The following FAM78B variants were observed in gnomAD, a reference collection of about 807,000 sequenced individuals.
FAM78B encodes family with sequence similarity 78 member B.
A neutral mutation model predicts 20.0 loss-of-function variants in FAM78B; 10 were observed. The ratio of observed to expected loss-of-function variants is 0.50; its 90% CI spans 0.31 to 0.85. The LOEUF is 0.85. FAM78B is among the 40% of genes least tolerant of loss of function. FAM78B has a pLI of 0.05. For synonymous variants in FAM78B, 135 were observed against 132.8 expected, an observed-to-expected ratio of 1.02 and a Z score of -0.12; for missense variants, 283 against 345.0, an observed-to-expected ratio of 0.82 and a Z score of 1.42.
At chr1:166,084,205 C>CCACACACACACACACACACACACA (rs374157991) in intron 1 of FAM78B, among the ~76,000 whole-genome samples, 6 of 121,164 alleles carry the variant, frequency 5.0e-5, no homozygotes, top group African/African-American at 1.9e-4. Flanking sequence ...GATGTAGAAA[C>CCACACACACACACACACACACACA]CACACACACA....
At chr1:166,142,487 G>A (rs556081243) in intron 1 of FAM78B, among the ~76,000 whole-genome samples, 9 of 152,220 alleles carry the variant, frequency 5.9e-5, no homozygotes, top group Non-Finnish European at 1.3e-4. Context: ...TATGTATGGT[G>A]CACAATGGGA....
At chr1:166,097,057 G>C (rs1473496039) in intron 1 of FAM78B, among the ~76,000 whole-genome samples, 1 of 152,202 alleles carries the variant, frequency 6.6e-6, no homozygotes, top group East Asian at 1.9e-4. Flanking sequence ...CCCAACTGCA[G>C]AAGCAGGAAA....
intron 1 of FAM78B, among the ~76,000 whole-genome samples, chr1:166,086,278 C>A (rs367646843): frequency 9.7e-4 from 147 of 152,282 alleles, no homozygotes; most frequent in African/African-American, 3.4e-3. Flanking sequence ...CTCCCTCCCC[C>A]ACCATCCCCA....
chr1:166,128,062 G>C (rs990317431), intron 1 of FAM78B, among the ~76,000 whole-genome samples: 1 of 152,144 alleles, frequency 6.6e-6, no homozygotes, highest in Non-Finnish European at 1.5e-5. Context: ...AAAACTTATA[G>C]TAAATAAAAG....
At chr1:166,139,948 C>G (rs1224406238) in intron 1 of FAM78B, among the ~76,000 whole-genome samples, 1 of 152,184 alleles carries the variant, frequency 6.6e-6, no homozygotes, top group Non-Finnish European at 1.5e-5. Context: ...TCCCTACTAC[C>G]ACCACCAGAG....
At chr1:166,105,448 C>T (rs1653733234) in intron 1 of FAM78B, among the ~76,000 whole-genome samples, 1 of 152,004 alleles carries the variant, frequency 6.6e-6, no homozygotes, top group Non-Finnish European at 1.5e-5. Context: ...ATTTTCGCAA[C>T]CTACTCATCT....
chr1:166,122,280 A>G (rs1183016706), intron 1 of FAM78B, among the ~76,000 whole-genome samples: 1 of 152,200 alleles, frequency 6.6e-6, no homozygotes, highest in African/African-American at 2.4e-5. Flanking sequence ...TCAGCCTGAA[A>G]GCAGGAGAGA....
At chr1:166,146,168 G>A (rs982644263) in intron 1 of FAM78B, among the ~76,000 whole-genome samples, 4 of 152,090 alleles carry the variant, frequency 2.6e-5, no homozygotes, top group African/African-American at 9.7e-5. Flanking sequence ...CAATTCAGGG[G>A]GATGCTTTAA....
At chr1:166,165,868 G>A (rs1023036547) in intron 1 of FAM78B, 118 bp downstream of exon 1, 9 of 1,213,998 alleles carry the variant, frequency 7.4e-6, no homozygotes, top group Middle Eastern at 2.0e-4. Flanking sequence ...GGAGGCGGGA[G>A]GAAGGTTTAG....
At chr1:166,146,358 T>C (rs1464846117) in intron 1 of FAM78B, among the ~76,000 whole-genome samples, 1 of 152,222 alleles carries the variant, frequency 6.6e-6, no homozygotes, top group Non-Finnish European at 1.5e-5. Context: ...ATCAAACTGA[T>C]TGATTTTCAT....
At chr1:166,132,365 G>A (rs12065238) in intron 1 of FAM78B, among the ~76,000 whole-genome samples, 22,484 of 152,064 alleles carry the variant, frequency 0.15, 1,997 homozygotes, top group East Asian at 0.27. Flanking sequence ...GCGATTTAAC[G>A]GTGTGATCCT....
In FAM78B at chr1:166,146,725, T is replaced by C. The variant is rs183155400; in HGVS notation, c.263+19261A>G. On this transcript the variant is annotated intron_variant, in intron 1 of 1. Transcript: ENST00000354422. ...CAGAGGGGAAGTGGGATGTTAAAAG[T>C]AGACAAATCATAGATAATGAGTCTT... Among the ~76,000 whole-genome samples the C allele has an allele frequency of 3.3e-5, 5 of 152,332 alleles. No individual in the cohort carries two copies. In the South Asian group the frequency reaches 8.3e-4, roughly 25 times the overall value.
chr1:166,082,976 T>C (rs1021732960), intron 1 of FAM78B, among the ~76,000 whole-genome samples: 7 of 152,100 alleles, frequency 4.6e-5, no homozygotes, highest in South Asian at 2.1e-4. Flanking sequence ...GGTGGTGGCA[T>C]TGAGGGGCAT....
At position 166,124,121 on chromosome 1, in the gene FAM78B, T is replaced by C. The variant is rs1654558981; in HGVS notation, c.263+41865A>G. On this transcript the variant is annotated intron_variant, in intron 1 of 1. Transcript: ENST00000354422. ...CACCATAGCAAAACCAATCTCCTTG[T>C]AGTTTCCAGCACACACCAGTCTGCT... is the stretch of plus-strand genomic sequence containing the variant. 2.0e-5 allele frequency among the ~76,000 whole-genome samples: 3 copies of C among 152,186 alleles called. 1 individual carries two copies. In the South Asian group the frequency reaches 6.2e-4, roughly 32 times the overall value.
chr1:166,110,424 G>C (rs537070984), intron 1 of FAM78B, among the ~76,000 whole-genome samples: 96 of 152,210 alleles, frequency 6.3e-4, no homozygotes, highest in African/African-American at 2.2e-3. Context: ...TTTCACTTCT[G>C]CTGTTTTGGA....
intron 1 of FAM78B, among the ~76,000 whole-genome samples, chr1:166,122,500 T>C (rs1654499358): frequency 6.6e-6 from 1 of 152,256 alleles, no homozygotes; most frequent in Non-Finnish European, 1.5e-5. Flanking sequence ...TCCAACATTA[T>C]ATAAGCCAAC....
chr1:166,137,210 C>T (rs1655099557), intron 1 of FAM78B, among the ~76,000 whole-genome samples: 1 of 152,176 alleles, frequency 6.6e-6, no homozygotes, highest in African/African-American at 2.4e-5. Flanking sequence ...TGTGCTAACC[C>T]TGATTTTCAG....
chr1:166,129,179 C>A (rs1026211550), intron 1 of FAM78B, among the ~76,000 whole-genome samples: 7 of 152,168 alleles, frequency 4.6e-5, no homozygotes, highest in Admixed American at 4.6e-4. Context: ...CTGCTGTGGG[C>A]GCACTCCTGT....
intron 1 of FAM78B, among the ~76,000 whole-genome samples, chr1:166,075,097 A>G (rs1652213926): frequency 6.6e-6 from 1 of 152,224 alleles, no homozygotes; most frequent in African/African-American, 2.4e-5. Context: ...AGCACCTTCA[A>G]TAACGGGTTT....
Sources: gnomAD v4.1 joint callset for allele counts (sites outside exome capture counted in the v4.1 genomes callset) on GRCh38, gnomAD v4.1.1 for gene constraint, MANE v1.5 for transcripts, NCBI Gene and HGNC (gene_info 2026-07-23, HGNC 2026-07-21) for gene names.